The following ZNF600 variants were observed in gnomAD, a reference collection of about 807,000 sequenced individuals.
The protein encoded by ZNF600 is zinc finger protein KR-ZNF1.
A neutral mutation model predicts 7.3 loss-of-function variants in ZNF600; 4 were observed. That is an observed-to-expected ratio of 0.55 (90% CI 0.27 to 1.25). ZNF600 has a LOEUF of 1.25. ZNF600 is among the 50% of genes most tolerant of loss of function. The pLI is 0.12. For missense variants in ZNF600, 911 were observed against 922.1 expected (o/e 0.99, Z 0.16); for synonymous variants, 290 against 308.9 (o/e 0.94, Z 0.64).
At chr19:52,765,357 T>A in exon 4 of ZNF600, 2 of 769,884 alleles carry the variant, frequency 2.6e-6, no homozygotes, top group Non-Finnish European at 4.7e-6. Flanking sequence ...CTCTCCTGTA[T>A]GAATTCTCCT....
chr19:52,787,249 G>A (rs1003311496), upstream of ZNF600, among the ~76,000 whole-genome samples: 5 of 152,052 alleles, frequency 3.3e-5, no homozygotes, highest in Non-Finnish European at 5.9e-5. Flanking sequence ...ACACAGCAGG[G>A]ATGCGGGCAC....
At chr19:52,790,818 C>T (rs770161457), upstream of ZNF600, among the ~76,000 whole-genome samples, 1 of 151,304 alleles carries the variant, frequency 6.6e-6, no homozygotes, top group Non-Finnish European at 1.5e-5. Context: ...TCCTGAGTAG[C>T]TGAGATTACA....
chr19:52,809,344 T>C, the ZNF600 span, among the ~76,000 whole-genome samples: 1 of 152,236 alleles, frequency 6.6e-6, no homozygotes, highest in Admixed American at 6.5e-5. Context: ...CAATTTCCAA[T>C]GCAGATGTCA....
intron 3 of ZNF600, among the ~76,000 whole-genome samples, chr19:52,771,724 C>T (rs144239819): frequency 3.7e-4 from 57 of 152,240 alleles, no homozygotes; most frequent in African/African-American, 1.3e-3. Context: ...GTGATCCACC[C>T]GTCTTTGCCT....
chr19:52,777,887 C>A (rs2062689302), intron 2 of ZNF600, among the ~76,000 whole-genome samples: 1 of 152,014 alleles, frequency 6.6e-6, no homozygotes, highest in African/African-American at 2.4e-5. Flanking sequence ...GTGACCCATG[C>A]CTATCACTCA....
intron 2 of ZNF600, among the ~76,000 whole-genome samples, chr19:52,778,011 C>CT (rs2062690341): frequency 2.7e-5 from 4 of 146,648 alleles, no homozygotes; most frequent in East Asian, 4.7e-4. Context: ...ACACCTTCTC[C>CT]CTCTCTCTCT....
the ZNF600 span, among the ~76,000 whole-genome samples, chr19:52,822,715 T>A: frequency 6.6e-6 from 1 of 152,198 alleles, no homozygotes; most frequent in East Asian, 1.9e-4. Context: ...CTGTGTCAGC[T>A]AGTTAGCTTC....
At chr19:52,785,933 C>A (rs1228048967) in intron 1 of ZNF600, among the ~76,000 whole-genome samples, 1 of 151,934 alleles carries the variant, frequency 6.6e-6, no homozygotes. Flanking sequence ...AGTTTTTTTT[C>A]TTTCACTTTT....
At chr19:52,771,084 T>C (rs112131179) in intron 3 of ZNF600, among the ~76,000 whole-genome samples, 3,476 of 152,162 alleles carry the variant, frequency 0.023, 151 homozygotes, top group African/African-American at 0.077. Flanking sequence ...TTGGCCGTCT[T>C]AGCCTCCCAA....
chr19:52,829,521 T>C, the ZNF600 span, among the ~76,000 whole-genome samples: 1 of 127,066 alleles, frequency 7.9e-6, no homozygotes, highest in African/African-American at 3.0e-5. Flanking sequence ...ATTTCAGGCA[T>C]GTGCCACCAC....
chr19:52,798,613 TC>T, the ZNF600 span: 3,783 of 438,530 alleles, frequency 8.6e-3, 134 homozygotes, highest in African/African-American at 0.074. Flanking sequence ...TGAGTTTCTC[TC>T]CTGTATGAAT....
the ZNF600 span, among the ~76,000 whole-genome samples, chr19:52,812,855 T>C: frequency 6.7e-6 from 1 of 148,528 alleles, no homozygotes; most frequent in Non-Finnish European, 1.5e-5. Context: ...TTTGAGGAAA[T>C]GCATCACCCT....
chr19:52,791,032 C>T (rs573921099), upstream of ZNF600, among the ~76,000 whole-genome samples: 3 of 152,334 alleles, frequency 2.0e-5, no homozygotes, highest in East Asian at 5.8e-4. Flanking sequence ...ACATGTTGAT[C>T]TACTAGTGTG....
the ZNF600 span, among the ~76,000 whole-genome samples, chr19:52,793,755 CAA>C: frequency 7.0e-6 from 1 of 141,902 alleles, no homozygotes; most frequent in Non-Finnish European, 1.5e-5. Context: ...TGAGAAGAGC[CAA>C]ACTCTGCCAC....
the ZNF600 span, chr19:52,800,808 G>GT: frequency 6.2e-7 from 1 of 1,613,162 alleles, no homozygotes; most frequent in African/African-American, 1.3e-5. Flanking sequence ...GTGAATTATA[G>GT]TATGTTTTGC....
chr19:52,833,309 G>A, the ZNF600 span, among the ~76,000 whole-genome samples: 1 of 152,296 alleles, frequency 6.6e-6, no homozygotes, highest in Non-Finnish European at 1.5e-5. Context: ...GTCCATCCAT[G>A]TCTAGGTGTG....
chr19:52,800,631 T>A, the ZNF600 span: 2 of 1,613,302 alleles, frequency 1.2e-6, no homozygotes, highest in Non-Finnish European at 8.5e-7. Context: ...CTCTCCAGTA[T>A]GAATCCTCTT....
the ZNF600 span, among the ~76,000 whole-genome samples, chr19:52,819,633 G>T: frequency 5.3e-5 from 7 of 131,228 alleles, no homozygotes; most frequent in Admixed American, 5.4e-4. Flanking sequence ...ACCCTGAGAA[G>T]GTCTGAGATG....
At chr19:52,794,029 T>G in the ZNF600 span, among the ~76,000 whole-genome samples, 3 of 152,120 alleles carry the variant, frequency 2.0e-5, no homozygotes, top group Non-Finnish European at 2.9e-5. Flanking sequence ...AAGTCACTTA[T>G]GGACACGTGA....
Sources: allele counts gnomAD v4.1 joint callset (sites outside exome capture counted in the v4.1 genomes callset), GRCh38; gene constraint gnomAD v4.1.1; transcripts MANE v1.5; gene names NCBI Gene and HGNC (gene_info 2026-07-23, HGNC 2026-07-21).